Variants in COX7A2L observed in about 807,000 individuals in gnomAD.
COX7A2L encodes cytochrome c oxidase subunit 7A2 like, also known as cytochrome c oxidase subunit 7A2-like, mitochondrial.
COX7A2L carries 18 observed loss-of-function variants against 14.2 expected under a neutral mutation model. The observed-to-expected ratio is 1.27, with a 90% CI of 0.88 to 1.88. COX7A2L has a LOEUF of 1.88. Ranked by LOEUF, COX7A2L falls within the 40% of genes most tolerant of loss-of-function variation. COX7A2L has a pLI of 0.00. For missense variants in COX7A2L, 179 were observed against 138.8 expected, an observed-to-expected ratio of 1.29 and a Z score of -1.46; for synonymous variants, 65 against 57.4, an observed-to-expected ratio of 1.13 and a Z score of -0.60.
upstream of COX7A2L, among the ~76,000 whole-genome samples, chr2:42,362,569 C>T (rs914887204): frequency 1.3e-5 from 2 of 152,194 alleles, no homozygotes; most frequent in Admixed American, 1.3e-4. Flanking sequence ...AGACTTCCTA[C>T]TGTTAAGCAC....
At position 42,339,479 on chromosome 2, in the gene COX7A2L, G is replaced by A. The variant is rs893037964; in HGVS notation, c.193-5610C>T. Among the ~76,000 whole-genome samples, 2 of 152,172 alleles carry A rather than the reference G, an allele frequency of 1.3e-5. No individual in the cohort carries two copies. Among genetic ancestry groups the A allele is most frequent in the African/African-American group, 4.8e-5 (2 of 41,430 alleles). On this transcript the variant is annotated intron_variant, in intron 2 of 2. Transcript: ENST00000468711. The surrounding 1 kb of genome is among the most constrained non-coding windows in gnomAD (Gnocchi z 5.4). ...CTACAGAGCTGGCGCGGTGGCTTGAGCTCCAGGCATGTGAGCGACACTGGC... is the reference window on the plus strand; with the variant it reads ...CTACAGAGCTGGCGCGGTGGCTTGAACTCCAGGCATGTGAGCGACACTGGC...
At chr2:42,348,130 C>T (rs1051808966), downstream of COX7A2L, among the ~76,000 whole-genome samples, 1 of 152,164 alleles carries the variant, frequency 6.6e-6, no homozygotes, top group African/African-American at 2.4e-5. Context: ...GCTTACTATA[C>T]ATCAAATCAG....
chr2:42,346,743 G>T (rs1402861027), downstream of COX7A2L, among the ~76,000 whole-genome samples: 1 of 151,614 alleles, frequency 6.6e-6, no homozygotes, highest in Non-Finnish European at 1.5e-5. Flanking sequence ...CTGGGCGACG[G>T]AGTGAGACCC....
downstream of COX7A2L, among the ~76,000 whole-genome samples, chr2:42,344,748 G>A (rs554551073): frequency 6.6e-6 from 1 of 152,154 alleles, no homozygotes; most frequent in African/African-American, 2.4e-5. Flanking sequence ...CTACTCAGGA[G>A]CCTGAGGCAG....
chr2:42,367,861 T>C (rs1671196650), intron 1 of COX7A2L, among the ~76,000 whole-genome samples: 1 of 152,232 alleles, frequency 6.6e-6, no homozygotes, highest in East Asian at 1.9e-4. Flanking sequence ...CTCACATCTC[T>C]TCCACCCCCA....
At chr2:42,362,320 T>A (rs1558637799), upstream of COX7A2L, among the ~76,000 whole-genome samples, 1 of 152,230 alleles carries the variant, frequency 6.6e-6, no homozygotes, top group African/African-American at 2.4e-5. Context: ...CTTAGCTTCA[T>A]CATCTAACCA....
At chr2:42,362,773 A>G (rs948571524), upstream of COX7A2L, among the ~76,000 whole-genome samples, 5 of 152,188 alleles carry the variant, frequency 3.3e-5, no homozygotes, top group African/African-American at 1.2e-4. Flanking sequence ...CACTTTTACA[A>G]AGAGACACTG....
chr2:42,352,715 CT>C (rs1670686658), intron 2 of COX7A2L, among the ~76,000 whole-genome samples: 1 of 152,132 alleles, frequency 6.6e-6, no homozygotes. Flanking sequence ...GGTAGATTCA[CT>C]TTAAAAACAT....
chr2:42,353,395 G>A (rs778685511), intron 1 of COX7A2L, 52 bp from the exon 2 acceptor site: 3 of 1,601,722 alleles, frequency 1.9e-6, no homozygotes, highest in Non-Finnish European at 2.6e-6. Flanking sequence ...TGAGGAGGCT[G>A]TCTGGAATAG....
At chr2:42,355,236 T>C (rs1670779767) in intron 1 of COX7A2L, among the ~76,000 whole-genome samples, 1 of 152,160 alleles carries the variant, frequency 6.6e-6, no homozygotes, top group African/African-American at 2.4e-5. Context: ...GGCTCTACTA[T>C]CAAGATCAAA....
intron 2 of COX7A2L, among the ~76,000 whole-genome samples, chr2:42,335,729 G>C (rs74790247): frequency 6.6e-6 from 1 of 152,366 alleles, no homozygotes; most frequent in East Asian, 1.9e-4. Flanking sequence ...ATGCTCGCTT[G>C]CTGTAGGTTA....
downstream of COX7A2L, among the ~76,000 whole-genome samples, chr2:42,345,057 CTGAGTTA>C (rs1363108745): frequency 6.6e-6 from 1 of 152,110 alleles, no homozygotes; most frequent in Non-Finnish European, 1.5e-5. Context: ...CTTTGAACTC[CTGAGTTA>C]TAAGTCATGT....
chr2:42,338,647 T>G lies in COX7A2L; in HGVS notation c.193-4778A>C, dbSNP rs1670336780. On this transcript the variant is annotated intron_variant, in intron 2 of 2. Transcript: ENST00000468711. This position sits in a 1 kb window ranked among gnomAD's most constrained non-coding sequence, Gnocchi z 4.4. ...CCGTAGAGCCTTAGTGTGATTCAACTCCATCCCCACCTGGCGGTCAGCCTG... is the reference window on the plus strand; with the variant it reads ...CCGTAGAGCCTTAGTGTGATTCAACGCCATCCCCACCTGGCGGTCAGCCTG... 6.6e-6 allele frequency among the ~76,000 whole-genome samples: 1 copy of G among 151,872 alleles called. No individual in the cohort carries two copies. The highest frequency in any genetic ancestry group is 6.6e-5 in the Admixed American group (1 of 15,260).
At chr2:42,341,150 T>C (rs1278527626) in intron 2 of COX7A2L, among the ~76,000 whole-genome samples, 3 of 151,966 alleles carry the variant, frequency 2.0e-5, no homozygotes, top group African/African-American at 7.3e-5. Context: ...GGGGACACAG[T>C]GGTTTATTTC....
intron 2 of COX7A2L, among the ~76,000 whole-genome samples, chr2:42,343,119 C>T (rs1670432779): frequency 6.6e-6 from 1 of 152,194 alleles, no homozygotes; most frequent in Admixed American, 6.5e-5. Context: ...CCAGGCCTGA[C>T]CTGCTACCAC....
At chr2:42,352,984 C>T (rs917683766) in intron 2 of COX7A2L, 22 of 576,236 alleles carry the variant, frequency 3.8e-5, no homozygotes, top group Non-Finnish European at 6.0e-5. Context: ...TTTCAAAACC[C>T]TCACACCCTT....
At chr2:42,354,317 A>C (rs940219351) in intron 1 of COX7A2L, among the ~76,000 whole-genome samples, 2 of 152,196 alleles carry the variant, frequency 1.3e-5, no homozygotes, top group Non-Finnish European at 2.9e-5. Flanking sequence ...GAAAGGAATA[A>C]ACCTACAGTG....
intron 1 of COX7A2L, among the ~76,000 whole-genome samples, chr2:42,357,901 A>G (rs1670877336): frequency 6.6e-6 from 1 of 151,960 alleles, no homozygotes; most frequent in South Asian, 2.1e-4. Flanking sequence ...ATTTACCTCC[A>G]TCCTCCACAG....
At chr2:42,366,911 C>T (rs1671175234) in intron 1 of COX7A2L, among the ~76,000 whole-genome samples, 1 of 152,116 alleles carries the variant, frequency 6.6e-6, no homozygotes, top group African/African-American at 2.4e-5. Flanking sequence ...CTAGAGCTGT[C>T]AGGTGGATCC....
Sources: gnomAD v4.1 joint callset for allele counts (sites outside exome capture counted in the v4.1 genomes callset) on GRCh38, gnomAD v4.1.1 for gene constraint, Gnocchi (gnomAD v3.1) non-coding constraint, MANE v1.5 for transcripts, NCBI Gene and HGNC (gene_info 2026-07-23, HGNC 2026-07-21) for gene names.